Variants in GMPS observed in about 807,000 individuals in gnomAD.
GMPS encodes the protein GMP synthase [glutamine-hydrolyzing].
A neutral mutation model predicts 77.9 loss-of-function variants in GMPS; 15 were observed. The ratio of observed to expected loss-of-function variants is 0.19; its 90% CI spans 0.13 to 0.30. GMPS has a LOEUF of 0.30. Among genes scored for constraint, GMPS ranks in the 10% least tolerant of loss-of-function variants. The pLI is 1.00. For missense variants in GMPS, 590 were observed against 838.8 expected, an observed-to-expected ratio of 0.70 and a Z score of 3.66; for synonymous variants, 224 against 275.9, an observed-to-expected ratio of 0.81 and a Z score of 1.86.
chr3:155,894,989 G>A (rs1754566139), intron 2 of GMPS, among the ~76,000 whole-genome samples: 1 of 152,162 alleles, frequency 6.6e-6, no homozygotes, highest in Non-Finnish European at 1.5e-5. Context: ...ATGCCTCTCT[G>A]TCAAATCAGA....
At position 155,921,401 on chromosome 3, in the gene GMPS, G is replaced by A. The variant is rs546910926; in HGVS notation, c.1319-786G>A. 3.3e-5 allele frequency among the ~76,000 whole-genome samples: 5 copies of A among 152,258 alleles called. No homozygotes were observed. The East Asian group carries it at 9.6e-4, about 29-fold the overall frequency. ...GATAAGTAAGGTAGTTAATTATACT[G>A]TCCTCTTTATGTATATGTTGGAAAA... On this transcript the variant is annotated intron_variant, in intron 10 of 15. Transcript: ENST00000496455.
intron 12 of GMPS, among the ~76,000 whole-genome samples, chr3:155,925,793 G>GT (rs1259561722): frequency 6.6e-6 from 1 of 152,060 alleles, no homozygotes; most frequent in East Asian, 1.9e-4. Context: ...ATATACTGTG[G>GT]TTTTAGAAGT....
At chr3:155,927,279 C>T (rs1324002381) in intron 12 of GMPS, among the ~76,000 whole-genome samples, 6 of 151,904 alleles carry the variant, frequency 3.9e-5, no homozygotes, top group African/African-American at 7.3e-5. Flanking sequence ...GCAGTATTAC[C>T]CTAATATATA....
chr3:155,921,286 T>C (rs1755311706), intron 10 of GMPS, among the ~76,000 whole-genome samples: 1 of 152,188 alleles, frequency 6.6e-6, no homozygotes, highest in Non-Finnish European at 1.5e-5. Flanking sequence ...CATTTTTTGG[T>C]ATTAAAAACT....
intron 8 of GMPS, among the ~76,000 whole-genome samples, chr3:155,915,045 G>A (rs1755139856): frequency 6.6e-6 from 1 of 152,030 alleles, no homozygotes; most frequent in Admixed American, 6.6e-5. Context: ...TGGGATTACA[G>A]GTGTGAGCCA....
At chr3:155,878,934 G>A (rs764198014) in intron 1 of GMPS, among the ~76,000 whole-genome samples, 16 of 152,116 alleles carry the variant, frequency 1.1e-4, no homozygotes, top group Non-Finnish European at 2.1e-4. Context: ...GTGGCTGCTG[G>A]TGCAAGTCCT....
At chr3:155,921,517 A>C (rs1045965832) in intron 10 of GMPS, among the ~76,000 whole-genome samples, 1 of 152,170 alleles carries the variant, frequency 6.6e-6, no homozygotes, top group Non-Finnish European at 1.5e-5. Flanking sequence ...ATGGACTGTA[A>C]AAATAGGATA....
At position 155,870,875 on chromosome 3, in the gene GMPS, C is replaced by A; in HGVS notation, c.5C>A (p.Ala2Asp). The A allele has an allele frequency of 6.6e-7, 1 of 1,509,012 alleles. No individual in the cohort carries two copies. The highest frequency in any genetic ancestry group is 8.8e-7 in the Non-Finnish European group (1 of 1,132,358). The allele number at this position is 1,509,012 out of a possible 1,614,324, so 93.5% of individuals were successfully genotyped here. ...GCGGCTCCGGCCCTGGCCCCGATGG[C>A]TCTGTGCAACGGAGACTCCAAGGTC... The part of the protein sequence containing the change: M[A>D]LCNGDSKLEN... The change falls in exon 1 of 16, where the codon GCT becomes GAT. Residue 2 changes from alanine to aspartate, a missense_variant. Ala to Asp is a moderately radical substitution (Grantham distance 126). Coordinates refer to ENST00000496455, the MANE Select transcript of GMPS (RefSeq NM_003875.3).
rs890336333 is a variant in GMPS at position 155,940,968 on chromosome 3, A to G, written c.*3276A>G. On this transcript the variant is annotated 3_prime_UTR_variant, in exon 16 of 16. Transcript: ENST00000496455. ...TGTTTTTTTGAAAAGCTGACAGAGA[A>G]TATGCTTTGGCTTTGACACTAATGA... 1 of 206,494 alleles carries G rather than the reference A, an allele frequency of 4.8e-6. No homozygotes were observed. The highest frequency in any genetic ancestry group is 7.4e-5 in the East Asian group (1 of 13,548). 12.8% of individuals were successfully genotyped at this position (206,494 alleles called of 1,614,324 possible).
At position 155,897,992 on chromosome 3, in the gene GMPS, C is replaced by A; in HGVS notation, c.275C>A (p.Ala92Glu). ...GAAGATGCTCCCTGGTTTGATCCAG[C>A]AATATTCACTATTGGCAAGCCTGTT... ...YAEDAPWFDP[A>E]IFTIGKPVLG... The change falls in exon 3 of 16, where the codon GCA becomes GAA. Residue 92 changes from alanine (A) to glutamate (E), a missense_variant. Coordinates refer to ENST00000496455, the MANE Select transcript of GMPS (RefSeq NM_003875.3). 1.2e-6 allele frequency: 2 copies of A among 1,611,214 alleles called. No individual in the cohort carries two copies. Among genetic ancestry groups the A allele is most frequent in the Non-Finnish European group, 1.7e-6 (2 of 1,177,370 alleles).
At position 155,942,391 on chromosome 3, in the gene GMPS, A is replaced by T; in HGVS notation, c.*4699A>T. 4.7e-6 allele frequency: 1 copy of T among 211,872 alleles called. No individual in the cohort carries two copies. The highest frequency in any genetic ancestry group is 1.9e-4 in the South Asian group (1 of 5,336). The allele number at this position is 211,872 out of a possible 1,614,324, so 13.1% of individuals were successfully genotyped here. ...GCGTGAGCCACCACGCCCGGCAAGCATTTACAGTTTTAAATCTCCCAGTCA... is the reference window on the plus strand; with the variant it reads ...GCGTGAGCCACCACGCCCGGCAAGCTTTTACAGTTTTAAATCTCCCAGTCA... On this transcript the variant is annotated 3_prime_UTR_variant, in exon 16 of 16. Coordinates refer to ENST00000496455, the MANE Select transcript of GMPS (RefSeq NM_003875.3).
Position 155,870,783 on chromosome 3 carries a change from C to T in GMPS, c.-88C>T. Reference sequence around the variant, plus strand: ...CTCCTCGACCAGGCCTCCTTCTCAACCTCAGCCCGCGGCGCCGACCCTTCC... The same window carrying T: ...CTCCTCGACCAGGCCTCCTTCTCAATCTCAGCCCGCGGCGCCGACCCTTCC... On this transcript the variant is annotated 5_prime_UTR_variant, in exon 1 of 16. Transcript: ENST00000496455. 1.1e-6 allele frequency: 1 copy of T among 906,522 alleles called. No homozygotes were observed. Among genetic ancestry groups the T allele is most frequent in the Non-Finnish European group, 1.7e-6 (1 of 591,218 alleles). 56.2% of individuals were successfully genotyped at this position (906,522 alleles called of 1,614,324 possible). A position where few individuals can be genotyped will look rare whatever the true frequency, so the allele number is the denominator to read the frequency against.
At chr3:155,883,525 G>GTC (rs1166089327) in intron 1 of GMPS, among the ~76,000 whole-genome samples, 1 of 152,206 alleles carries the variant, frequency 6.6e-6, no homozygotes, top group South Asian at 2.1e-4. Context: ...CATAAAAACT[G>GTC]TCTCGTATTT....
chr3:155,934,847 C>G (rs1313477094), intron 13 of GMPS, 69 bp from the exon 14 acceptor site: 1 of 1,055,168 alleles, frequency 9.5e-7, no homozygotes. Context: ...TGCCTTGCTT[C>G]TCATACTAAA....
intron 1 of GMPS, among the ~76,000 whole-genome samples, chr3:155,872,452 C>T (rs547240492): frequency 2.0e-5 from 3 of 152,266 alleles, no homozygotes; most frequent in Admixed American, 6.5e-5. Flanking sequence ...TCTTACAACT[C>T]ATTGGAAAGA....
chr3:155,884,581 G>A (rs1022937897), intron 1 of GMPS, among the ~76,000 whole-genome samples: 113 of 152,228 alleles, frequency 7.4e-4, no homozygotes, highest in African/African-American at 2.4e-3. Context: ...AATTGGCGTT[G>A]TTTTCAAAGG....
intron 1 of GMPS, among the ~76,000 whole-genome samples, chr3:155,876,599 G>T (rs751587765): frequency 1.2e-4 from 19 of 152,156 alleles, no homozygotes; most frequent in Non-Finnish European, 2.5e-4. Context: ...TGTTAAGCTG[G>T]GTGGGATATC....
Position 155,942,380 on chromosome 3 carries a change from G to A in GMPS, c.*4688G>A, listed in dbSNP as rs1755914465. On this transcript the variant is annotated 3_prime_UTR_variant, in exon 16 of 16. Transcript: ENST00000496455. The stretch of plus-strand genomic sequence containing the variant: ...TGGGATTACAGGCGTGAGCCACCAC[G>A]CCCGGCAAGCATTTACAGTTTTAAA... 3 of 207,592 alleles carry A rather than the reference G, an allele frequency of 1.4e-5. No individual in the cohort carries two copies. Among genetic ancestry groups the A allele is most frequent in the Admixed American group, 5.9e-5 (1 of 16,834 alleles). The allele number at this position is 207,592 out of a possible 1,614,324, so 12.9% of individuals were successfully genotyped here.
intron 12 of GMPS, among the ~76,000 whole-genome samples, chr3:155,928,130 G>A (rs1456243490): frequency 1.4e-5 from 2 of 139,206 alleles, no homozygotes; most frequent in Non-Finnish European, 3.0e-5. Context: ...AGGTTCAAAC[G>A]ATTCTCCTGT....
Sources: gnomAD v4.1 joint callset for allele counts (sites outside exome capture counted in the v4.1 genomes callset) on GRCh38, gnomAD v4.1.1 for gene constraint, MANE v1.5 for transcripts, NCBI Gene and HGNC (gene_info 2026-07-23, HGNC 2026-07-21) for gene names.